NSUN3: variants seen among roughly 807,000 people sequenced by gnomAD.
The protein encoded by NSUN3 is NOP2/Sun RNA methyltransferase 3.
In NSUN3, 24 loss-of-function variants were observed where a neutral mutation model predicts 36.8. That is an observed-to-expected ratio of 0.65 (90% confidence interval 0.47 to 0.92). The LOEUF is 0.92. Among genes scored for constraint, NSUN3 ranks in the 40% least tolerant of loss-of-function variants. The pLI is 0.00. For missense variants in NSUN3, 381 were observed against 392.8 expected (o/e 0.97, Z 0.25); for synonymous variants, 146 against 145.2 (o/e 1.01, Z -0.04).
intron 3 of NSUN3, among the ~76,000 whole-genome samples, chr3:94,090,558 G>A (rs1276521653): frequency 2.0e-5 from 3 of 152,164 alleles, no homozygotes; most frequent in East Asian, 1.9e-4. Context: ...TGGATGGTAT[G>A]TGTATAGAGG....
At chr3:94,101,952 A>G (rs1043879279) in intron 5 of NSUN3, among the ~76,000 whole-genome samples, 2 of 152,164 alleles carry the variant, frequency 1.3e-5, no homozygotes, top group East Asian at 3.8e-4. Context: ...TATAACAAAA[A>G]TAAAGGTAAC....
intron 3 of NSUN3, among the ~76,000 whole-genome samples, chr3:94,092,612 T>C (rs1421016996): frequency 6.6e-6 from 1 of 151,998 alleles, no homozygotes; most frequent in Non-Finnish European, 1.5e-5. Context: ...TATAGAAATA[T>C]GGAGCCCTGG....
chr3:94,100,992 TA>T (rs1248715586), intron 5 of NSUN3, among the ~76,000 whole-genome samples: 3 of 151,932 alleles, frequency 2.0e-5, no homozygotes, highest in African/African-American at 7.2e-5. Flanking sequence ...TATTTTTATT[TA>T]AAAAAATATT....
At chr3:94,106,819 G>A (rs992319107) in intron 5 of NSUN3, among the ~76,000 whole-genome samples, 3 of 151,534 alleles carry the variant, frequency 2.0e-5, no homozygotes, top group African/African-American at 7.3e-5. Context: ...ATACTGGAAA[G>A]GAATACTAGA....
chr3:94,070,410 A>G (rs992073128), intron 2 of NSUN3, among the ~76,000 whole-genome samples: 19 of 152,194 alleles, frequency 1.2e-4, no homozygotes, highest in African/African-American at 4.6e-4. Flanking sequence ...TCACTGAGCC[A>G]TGATCGCACA....
chr3:94,064,218 C>T (rs2077193900), intron 1 of NSUN3: 1 of 541,560 alleles, frequency 1.8e-6, no homozygotes. Flanking sequence ...TCTGTTTTAA[C>T]CTTTGCTTCA....
intron 5 of NSUN3, among the ~76,000 whole-genome samples, chr3:94,120,512 CAT>C (rs1319047700): frequency 6.6e-6 from 1 of 152,172 alleles, no homozygotes; most frequent in Non-Finnish European, 1.5e-5. Context: ...TAAGTGGAAT[CAT>C]GTGATATTTC....
chr3:94,097,634 G>A (rs1390073324), intron 5 of NSUN3, among the ~76,000 whole-genome samples: 1 of 152,170 alleles, frequency 6.6e-6, no homozygotes, highest in Admixed American at 6.5e-5. Context: ...TAGCTGTGTT[G>A]AATTGTTCTC....
chr3:94,103,567 G>C (rs2077374368), intron 5 of NSUN3, among the ~76,000 whole-genome samples: 1 of 151,350 alleles, frequency 6.6e-6, no homozygotes, highest in African/African-American at 2.4e-5. Flanking sequence ...ACTATGTAGA[G>C]TAATTTATTT....
At chr3:94,094,984 G>T in intron 4 of NSUN3, 49 bp from the exon 5 acceptor site, 1 of 1,599,294 alleles carries the variant, frequency 6.3e-7, no homozygotes, top group Admixed American at 1.7e-5. Context: ...TCGTGCCTGA[G>T]AATAGATTGT....
chr3:94,063,252 C>T, intron 1 of NSUN3, 114 bp downstream of exon 1: 1 of 1,045,068 alleles, frequency 9.6e-7, no homozygotes, highest in Non-Finnish European at 1.5e-6. Flanking sequence ...TTCGTCCCCT[C>T]GCGAGATCAG....
intron 5 of NSUN3, among the ~76,000 whole-genome samples, chr3:94,108,935 G>A (rs1352955571): frequency 6.6e-6 from 1 of 152,214 alleles, no homozygotes; most frequent in Non-Finnish European, 1.5e-5. Context: ...AAAGTGCTGG[G>A]ATTACTGGCG....
At position 94,128,537 on chromosome 3, in the gene NSUN3, A is replaced by C. The variant is rs2107278331; in HGVS notation, c.*2047A>C. The C allele has an allele frequency of 6.8e-6, 1 of 147,992 alleles. No individual in the cohort carries two copies. Among genetic ancestry groups the C allele is most frequent in the African/African-American group, 2.5e-5 (1 of 40,304 alleles). The allele number at this position is 147,992 out of a possible 1,614,324, so 9.2% of individuals were successfully genotyped here. A position where few individuals can be genotyped will look rare whatever the true frequency, so the allele number is the denominator to read the frequency against. On this transcript the variant is annotated 3_prime_UTR_variant, in exon 6 of 6. Transcript: ENST00000314622. ...CTATTGAATTTACTTTCCTATGATT[A>C]CTGAAAAATGGATGCACGTGTGTGT...
chr3:94,095,235 T>C (rs1197215960), intron 5 of NSUN3, 81 bp downstream of exon 5: 3 of 1,371,894 alleles, frequency 2.2e-6, no homozygotes, highest in Non-Finnish European at 3.1e-6. Flanking sequence ...AGGCCCCCAG[T>C]GGAGGGCTTG....
intron 5 of NSUN3, among the ~76,000 whole-genome samples, chr3:94,120,384 A>T (rs2077456313): frequency 6.6e-6 from 1 of 152,216 alleles, no homozygotes; most frequent in South Asian, 2.1e-4. Context: ...TTCATCTTTC[A>T]AAACTGAAAG....
chr3:94,089,971 A>G (rs1389222135), intron 3 of NSUN3, among the ~76,000 whole-genome samples: 1 of 152,168 alleles, frequency 6.6e-6, no homozygotes, highest in African/African-American at 2.4e-5. Flanking sequence ...CATTATTCCA[A>G]TTATAATATT....
intron 5 of NSUN3, among the ~76,000 whole-genome samples, chr3:94,108,196 C>T (rs763485503): frequency 6.6e-6 from 1 of 151,914 alleles, no homozygotes; most frequent in African/African-American, 2.4e-5. Flanking sequence ...CATTTCACCA[C>T]GTTTACTTTT....
chr3:94,076,212 A>G (rs2077245085), intron 2 of NSUN3: 7 of 915,990 alleles, frequency 7.6e-6, no homozygotes, highest in South Asian at 1.3e-5. Flanking sequence ...TGAGGTGACT[A>G]CTGAACCTGG....
chr3:94,086,069 G>A lies in NSUN3; in HGVS notation c.466+1619G>A, dbSNP rs559933994. Among the ~76,000 whole-genome samples the A allele has an allele frequency of 6.6e-5, 10 of 151,232 alleles. No individual in the cohort carries two copies. The East Asian group carries it at 1.6e-3, about 24-fold the overall frequency. On this transcript the variant is annotated intron_variant, in intron 3 of 5. Coordinates refer to ENST00000314622, the MANE Select transcript of NSUN3 (RefSeq NM_022072.5). ...AGTGATTCTCCCGCCTCAGCCTCCC[G>A]AGTAGCTGGGATTACAGGTGCCCAC...
Sources: allele counts gnomAD v4.1 joint callset (sites outside exome capture counted in the v4.1 genomes callset), GRCh38; gene constraint gnomAD v4.1.1; transcripts MANE v1.5; gene names NCBI Gene and HGNC (gene_info 2026-07-23, HGNC 2026-07-21).